The following MGAT4C variants were observed in gnomAD, a reference collection of about 807,000 sequenced individuals.
The protein encoded by MGAT4C is alpha-1,3-mannosyl-glycoprotein 4-beta-N-acetylglucosaminyltransferase C.
Under a neutral mutation model 40.1 loss-of-function variants are expected in MGAT4C, and 19 were observed. That is an observed-to-expected ratio of 0.47 (90% CI 0.33 to 0.70). MGAT4C has a LOEUF of 0.70. Ranked by LOEUF, MGAT4C falls within the 30% of genes least tolerant of loss-of-function variation. The pLI, the probability that MGAT4C is intolerant of heterozygous loss-of-function variation, is 0.02. For missense variants in MGAT4C, 491 were observed against 563.2 expected (o/e 0.87, Z 1.30); for synonymous variants, 181 against 187.1 (o/e 0.97, Z 0.27).
chr12:86,685,490 C>G (rs1950057916), intron 2 of MGAT4C, among the ~76,000 whole-genome samples: 1 of 152,058 alleles, frequency 6.6e-6, no homozygotes, highest in African/African-American at 2.4e-5. Context: ...GTTCTTTTTG[C>G]TTAGGATTGC....
intron 1 of MGAT4C, among the ~76,000 whole-genome samples, chr12:86,241,649 C>G (rs1367224271): frequency 6.6e-6 from 1 of 152,128 alleles, no homozygotes; most frequent in Non-Finnish European, 1.5e-5. Context: ...GGAAAAAGAT[C>G]GCTTAGATCA....
At chr12:86,128,034 G>T (rs986411364) in intron 1 of MGAT4C, among the ~76,000 whole-genome samples, 4 of 152,146 alleles carry the variant, frequency 2.6e-5, no homozygotes, top group Non-Finnish European at 5.9e-5. Context: ...CAAGTATTCT[G>T]CACTGTACAT....
chr12:86,445,893 A>G (rs1362563761), intron 2 of MGAT4C, among the ~76,000 whole-genome samples: 1 of 152,182 alleles, frequency 6.6e-6, no homozygotes, highest in Admixed American at 6.5e-5. Flanking sequence ...GACTGAGTTT[A>G]ATAACTAGGA....
At position 86,027,016 on chromosome 12, in the gene MGAT4C, C is replaced by A. The variant is rs536861534; in HGVS notation, c.-7+22658G>T. Among the ~76,000 whole-genome samples, 10 of 152,118 alleles carry A rather than the reference C, an allele frequency of 6.6e-5. No homozygotes were observed. The East Asian group carries it at 1.5e-3, about 23-fold the overall frequency. On this transcript the variant is annotated intron_variant, in intron 2 of 4. Coordinates refer to ENST00000611864, the MANE Select transcript of MGAT4C (RefSeq NM_001351288.2). ...TCTAAAGTCATTATTAACTAGTTCT[C>A]AGTATACTATAAGTAGGTCCACATT... is the stretch of plus-strand genomic sequence containing the variant.
At chr12:86,017,445 T>C (rs1198744959) in intron 2 of MGAT4C, among the ~76,000 whole-genome samples, 1 of 152,218 alleles carries the variant, frequency 6.6e-6, no homozygotes, top group Middle Eastern at 3.2e-3. Flanking sequence ...TACATTTCTC[T>C]TTATTCGTTT....
chr12:86,820,293 A>G (rs1952683151), intron 1 of MGAT4C, among the ~76,000 whole-genome samples: 1 of 150,814 alleles, frequency 6.6e-6, no homozygotes, highest in Non-Finnish European at 1.5e-5. Context: ...TATGTCCACT[A>G]TGGGTTGGTG....
intron 1 of MGAT4C, among the ~76,000 whole-genome samples, chr12:86,112,276 C>A (rs756938582): frequency 2.6e-4 from 39 of 151,630 alleles, no homozygotes; most frequent in Non-Finnish European, 3.7e-4. Context: ...GCTATGTAAT[C>A]TCGCCTCTCT....
chr12:86,198,240 C>T (rs1025843773), intron 1 of MGAT4C, among the ~76,000 whole-genome samples: 2 of 152,138 alleles, frequency 1.3e-5, no homozygotes, highest in Non-Finnish European at 2.9e-5. Context: ...ATATACATAA[C>T]CCATTACAAA....
chr12:86,360,208 C>T (rs556235179), intron 3 of MGAT4C, among the ~76,000 whole-genome samples: 1 of 152,264 alleles, frequency 6.6e-6, no homozygotes, highest in African/African-American at 2.4e-5. Flanking sequence ...TGTAATCCAT[C>T]ATAAAAACAG....
At chr12:86,757,147 A>G (rs556050044) in intron 1 of MGAT4C, among the ~76,000 whole-genome samples, 37 of 151,036 alleles carry the variant, frequency 2.4e-4, no homozygotes, top group Non-Finnish European at 3.5e-4. Flanking sequence ...GTTCTCACTC[A>G]TAAGTGGGAG....
intron 2 of MGAT4C, among the ~76,000 whole-genome samples, chr12:86,724,128 A>T (rs1950783035): frequency 6.6e-6 from 1 of 152,160 alleles, no homozygotes; most frequent in South Asian, 2.1e-4. Flanking sequence ...CCATATATAT[A>T]ATGTATATAT....
intron 1 of MGAT4C, among the ~76,000 whole-genome samples, chr12:86,787,787 G>A (rs1951957962): frequency 6.6e-6 from 1 of 151,994 alleles, no homozygotes; most frequent in Non-Finnish European, 1.5e-5. Flanking sequence ...TCACTCTATT[G>A]CCCAGGCTGG....
chr12:86,121,484 G>C (rs1001798208), intron 1 of MGAT4C, among the ~76,000 whole-genome samples: 1 of 152,022 alleles, frequency 6.6e-6, no homozygotes, highest in Non-Finnish European at 1.5e-5. Context: ...AAATGTTAAG[G>C]GCAGCCAGAG....
chr12:86,192,660 T>C (rs907377930), intron 1 of MGAT4C, among the ~76,000 whole-genome samples: 1 of 152,130 alleles, frequency 6.6e-6, no homozygotes, highest in African/African-American at 2.4e-5. Context: ...ACAGAGAAAT[T>C]TGAGGAATGT....
chr12:86,706,745 C>A (rs919590550), intron 2 of MGAT4C, among the ~76,000 whole-genome samples: 1 of 152,104 alleles, frequency 6.6e-6, no homozygotes, highest in African/African-American at 2.4e-5. Context: ...AAACAACAAC[C>A]ACTAGACCAT....
At chr12:86,458,257 G>C (rs903971350) in intron 2 of MGAT4C, among the ~76,000 whole-genome samples, 1 of 152,068 alleles carries the variant, frequency 6.6e-6, no homozygotes, top group African/African-American at 2.4e-5. Context: ...TTTTTATGTT[G>C]TTCTACATCT....
chr12:86,195,913 C>T (rs909031010), intron 1 of MGAT4C, among the ~76,000 whole-genome samples: 9 of 152,038 alleles, frequency 5.9e-5, no homozygotes, highest in Non-Finnish European at 1.2e-4. Flanking sequence ...CTGCCTGTTT[C>T]CCATATTATT....
chr12:86,801,540 G>A lies in MGAT4C; in HGVS notation c.-262+37126C>T, dbSNP rs112005220. On this transcript the variant is annotated intron_variant, in intron 1 of 7. Coordinates refer to the MGAT4C transcript ENST00000548651. Reference sequence around the variant, plus strand: ...AGGCAGGTAGGGATTTTTTCTGTTGGTTACAAGGCAGATGATAGTATTATG... The same window carrying A: ...AGGCAGGTAGGGATTTTTTCTGTTGATTACAAGGCAGATGATAGTATTATG... Among the ~76,000 whole-genome samples, 2 of 151,736 alleles carry A rather than the reference G, an allele frequency of 1.3e-5. 1 individual carries two copies. Among genetic ancestry groups the A allele is most frequent in the South Asian group, 4.1e-4 (2 of 4,828 alleles).
rs150695587 is a variant in MGAT4C, at chr12:86,328,850, A to C, written c.-57+5215T>G. Among the ~76,000 whole-genome samples, 412 of 152,226 alleles carry C rather than the reference A, an allele frequency of 2.7e-3. 1 individual carries two copies. The highest frequency in any genetic ancestry group is 4.9e-3 in the Non-Finnish European group (336 of 68,000). On this transcript the variant is annotated intron_variant, in intron 4 of 7. Coordinates refer to the MGAT4C transcript ENST00000548651. ...GCCAGGTGTGGTGGCTCACACCTGT[A>C]ATCTCAGCACTTTGGGAAGCCAAGG...
Sources: gnomAD v4.1 joint callset for allele counts (sites outside exome capture counted in the v4.1 genomes callset) on GRCh38, gnomAD v4.1.1 for gene constraint, MANE v1.5 for transcripts, NCBI Gene and HGNC (gene_info 2026-07-23, HGNC 2026-07-21) for gene names.